AMZ2: variants seen among roughly 807,000 people sequenced by gnomAD.
AMZ2 encodes the protein archaemetzincin-2.
A neutral mutation model predicts 36.7 loss-of-function variants in AMZ2; 26 were observed. The observed-to-expected ratio is 0.71, with a 90% CI of 0.52 to 0.98. The LOEUF (loss-of-function observed/expected upper bound fraction) is 0.98. Among genes scored for constraint, AMZ2 ranks in the 50% least tolerant of loss-of-function variants. The probability of loss-of-function intolerance (pLI) is 0.00; values close to 1 mark genes in which losing one functional copy is unlikely to be tolerated. For missense variants in AMZ2, 394 were observed against 430.5 expected (o/e 0.92, Z 0.75); for synonymous variants, 144 against 149.1 (o/e 0.97, Z 0.25).
chr17:68,207,660 C>T (rs1173168848), intron 1 of AMZ2, among the ~76,000 whole-genome samples: 1 of 152,230 alleles, frequency 6.6e-6, no homozygotes, highest in Admixed American at 6.5e-5. Flanking sequence ...TATAAACCTA[C>T]GTAGGTTGTC....
chr17:68,223,852 A>AT (rs1244713701), intron 1 of AMZ2, among the ~76,000 whole-genome samples: 2 of 150,792 alleles, frequency 1.3e-5, no homozygotes, highest in South Asian at 2.1e-4. Context: ...AGTAGCTGGG[A>AT]TTACAGGCGT....
At chr17:68,254,128 A>G (rs540229868) in intron 4 of AMZ2, among the ~76,000 whole-genome samples, 1 of 152,328 alleles carries the variant, frequency 6.6e-6, no homozygotes, top group East Asian at 1.9e-4. Flanking sequence ...TTTTGTGGGA[A>G]AAGACTCTCT....
chr17:68,231,240 AT>A (rs111699295), intron 1 of AMZ2, among the ~76,000 whole-genome samples: 13 of 146,932 alleles, frequency 8.8e-5, no homozygotes, highest in South Asian at 2.2e-4. Context: ...ATTTTCTTGT[AT>A]TTTTTTTTTA....
At chr17:68,217,387 C>A (rs1393562469) in intron 1 of AMZ2, among the ~76,000 whole-genome samples, 2 of 152,114 alleles carry the variant, frequency 1.3e-5, no homozygotes, top group Non-Finnish European at 2.9e-5. Flanking sequence ...ATTCAAATTG[C>A]CTTTTTTGAT....
intron 1 of AMZ2, among the ~76,000 whole-genome samples, chr17:68,232,887 A>G (rs1178569750): frequency 6.6e-6 from 1 of 152,234 alleles, no homozygotes; most frequent in Non-Finnish European, 1.5e-5. Context: ...ATCTGGAAGC[A>G]TCAACTTCCA....
intron 1 of AMZ2, among the ~76,000 whole-genome samples, chr17:68,239,871 T>C (rs1270561029): frequency 2.6e-5 from 4 of 152,154 alleles, no homozygotes. Flanking sequence ...GATGGAAAGT[T>C]CTAACATGAA....
intron 1 of AMZ2, among the ~76,000 whole-genome samples, chr17:68,217,961 C>T (rs1312860779): frequency 2.6e-5 from 4 of 151,872 alleles, no homozygotes; most frequent in Non-Finnish European, 5.9e-5. Flanking sequence ...TACAGGCGCC[C>T]GCCATCACGC....
At chr17:68,232,464 C>T (rs1599344952) in intron 1 of AMZ2, among the ~76,000 whole-genome samples, 3 of 143,788 alleles carry the variant, frequency 2.1e-5, no homozygotes, top group South Asian at 2.2e-4. Flanking sequence ...CTGCTGCACT[C>T]GAGCCTGGGT....
At chr17:68,210,926 AAGAC>A (rs1365904413) in intron 1 of AMZ2, among the ~76,000 whole-genome samples, 5 of 136,830 alleles carry the variant, frequency 3.7e-5, no homozygotes, top group African/African-American at 1.4e-4. Flanking sequence ...TCCAGCCTGA[AAGAC>A]AGAGTGAGAC....
At chr17:68,247,662 G>A (rs370838850), upstream of AMZ2, 1 of 985,498 alleles carries the variant, frequency 1.0e-6, no homozygotes, top group Non-Finnish European at 1.2e-6. Flanking sequence ...CTCATTTGGG[G>A]CCACGCTGGT....
intron 1 of AMZ2, among the ~76,000 whole-genome samples, chr17:68,215,058 A>G (rs2073162065): frequency 2.0e-5 from 3 of 152,250 alleles, no homozygotes; most frequent in Non-Finnish European, 4.4e-5. Context: ...TGCTGGGATT[A>G]TAGGCGTGAG....
Position 68,236,519 on chromosome 17 carries a change from A to G in AMZ2, c.-66-12121A>G, listed in dbSNP as rs145988702. Among the ~76,000 whole-genome samples the G allele has an allele frequency of 1.9e-3, 290 of 151,796 alleles. 3 individuals are homozygous for G. Among genetic ancestry groups the G allele is most frequent in the African/African-American group, 6.6e-3 (272 of 41,486 alleles). ...AAAAATATCAAGAAGAAAGTAAAAC[A>G]GCACAAAAAGCCCTCCTTCTAACAT... On this transcript the variant is annotated intron_variant, in intron 1 of 7. Coordinates refer to the AMZ2 transcript ENST00000674770.
intron 1 of AMZ2, among the ~76,000 whole-genome samples, chr17:68,226,502 C>G (rs1426275926): frequency 2.0e-5 from 3 of 152,196 alleles, no homozygotes; most frequent in Admixed American, 2.0e-4. Context: ...GGGAGCCAGT[C>G]TGATGGATTC....
intron 1 of AMZ2, among the ~76,000 whole-genome samples, chr17:68,242,652 A>T (rs1396363716): frequency 1.3e-5 from 2 of 152,094 alleles, no homozygotes; most frequent in African/African-American, 4.8e-5. Flanking sequence ...ACCTCAGATG[A>T]TCTGCCTGCC....
At chr17:68,247,556 GC>G, upstream of AMZ2, 1 of 898,196 alleles carries the variant, frequency 1.1e-6, no homozygotes, top group South Asian at 5.1e-5. Context: ...CTGGGTTCCA[GC>G]CCCCGCGGCC....
intron 1 of AMZ2, among the ~76,000 whole-genome samples, chr17:68,241,225 A>G (rs1211264144): frequency 3.3e-5 from 5 of 152,240 alleles, no homozygotes; most frequent in African/African-American, 7.2e-5. Context: ...AATGAGGCAC[A>G]TGCATATTAT....
intron 4 of AMZ2, among the ~76,000 whole-genome samples, chr17:68,251,657 A>C (rs12940056): frequency 6.6e-6 from 1 of 151,982 alleles, no homozygotes; most frequent in Non-Finnish European, 1.5e-5. Flanking sequence ...ATAAAGTGAG[A>C]CCGTGTCTCA....
intron 1 of AMZ2, among the ~76,000 whole-genome samples, chr17:68,211,754 GTATA>G: frequency 7.9e-6 from 1 of 126,334 alleles, no homozygotes; most frequent in Non-Finnish European, 1.7e-5. Context: ...ATGTATATAT[GTATA>G]TGTATATATG....
intron 1 of AMZ2, among the ~76,000 whole-genome samples, chr17:68,209,628 A>ATTTTTTTTTTTTTTTTTTTTTTTTTTT (rs1322446681): frequency 1.0e-5 from 1 of 98,530 alleles, no homozygotes; most frequent in African/African-American, 5.0e-5. Flanking sequence ...ATATATATAT[A>ATTTTTTTTTTTTTTTTTTTTTTTTTTT]TATATTTTTT....
Sources: allele counts gnomAD v4.1 joint callset (sites outside exome capture counted in the v4.1 genomes callset), GRCh38; gene constraint gnomAD v4.1.1; transcripts MANE v1.5; gene names NCBI Gene and HGNC (gene_info 2026-07-23, HGNC 2026-07-21).